Variants in STK33 observed in about 807,000 individuals in gnomAD.
The protein encoded by STK33 is serine/threonine-protein kinase 33.
A neutral mutation model predicts 58.0 loss-of-function variants in STK33; 52 were observed. The observed-to-expected ratio is 0.90, with a 90% confidence interval of 0.72 to 1.13. STK33 has a LOEUF of 1.13. Among genes scored for constraint, STK33 ranks in the 50% most tolerant of loss-of-function variants. The pLI, the probability that STK33 is intolerant of heterozygous loss-of-function variation, is 0.00. For synonymous variants in STK33, 215 were observed against 200.1 expected, an observed-to-expected ratio of 1.07 and a Z score of -0.63; for missense variants, 630 against 604.2, an observed-to-expected ratio of 1.04 and a Z score of -0.45.
At chr11:8,413,103 T>TTCC (rs1940552380) in intron 15 of STK33, among the ~76,000 whole-genome samples, 1 of 152,246 alleles carries the variant, frequency 6.6e-6, no homozygotes, top group Admixed American at 6.5e-5. Flanking sequence ...AAATTTGGCA[T>TTCC]GCCATCTGTT....
chr11:8,424,125 C>T (rs1942355697), intron 14 of STK33, among the ~76,000 whole-genome samples: 1 of 150,924 alleles, frequency 6.6e-6, no homozygotes. Context: ...TCTCCTAATG[C>T]TATCCCTCCC....
chr11:8,448,705 T>C (rs1945849154), intron 11 of STK33, among the ~76,000 whole-genome samples: 1 of 152,060 alleles, frequency 6.6e-6, no homozygotes, highest in East Asian at 1.9e-4. Flanking sequence ...GGCAATACCA[T>C]TCAGGACATA....
intron 14 of STK33, among the ~76,000 whole-genome samples, chr11:8,418,551 T>C (rs1420382628): frequency 6.6e-6 from 1 of 152,182 alleles, no homozygotes; most frequent in Non-Finnish European, 1.5e-5. Flanking sequence ...TTAACATTCA[T>C]GTGCATATGT....
At chr11:8,567,561 T>C (rs929568875) in intron 1 of STK33, among the ~76,000 whole-genome samples, 1 of 152,318 alleles carries the variant, frequency 6.6e-6, no homozygotes, top group African/African-American at 2.4e-5. Flanking sequence ...AATACAGCTA[T>C]TCCTCCCATT....
At chr11:8,469,954 T>C (rs1006663975) in intron 6 of STK33, among the ~76,000 whole-genome samples, 49 of 152,374 alleles carry the variant, frequency 3.2e-4, no homozygotes, top group African/African-American at 1.2e-3. Context: ...TTTGTTGTTT[T>C]ATTTAATGAG....
intron 1 of STK33, among the ~76,000 whole-genome samples, chr11:8,559,610 T>C (rs1956988900): frequency 6.6e-6 from 1 of 152,204 alleles, no homozygotes; most frequent in Non-Finnish European, 1.5e-5. Flanking sequence ...TACCCCATAA[T>C]TTTATTCCCA....
chr11:8,526,307 G>A (rs963961427), intron 1 of STK33, among the ~76,000 whole-genome samples: 15 of 151,748 alleles, frequency 9.9e-5, no homozygotes, highest in South Asian at 6.2e-4. Context: ...CAGGAGAATC[G>A]CTTGAACCCA....
Position 8,434,993 on chromosome 11 carries a change from G to A in STK33, c.1146+501C>T, listed in dbSNP as rs141902123. 2.9e-3 allele frequency among the ~76,000 whole-genome samples: 443 copies of A among 152,300 alleles called. 2 individuals are homozygous for A. Among genetic ancestry groups the A allele is most frequent in the Middle Eastern group, 0.017 (5 of 294 alleles). ...TTCGGGTGCAGGGATACGAAGATCA[G>A]TAAGACACAAGGTCTGTGCTTGAAG... On this transcript the variant is annotated intron_variant, in intron 14 of 15. Coordinates refer to ENST00000687296, the MANE Select transcript of STK33 (RefSeq NM_001352389.2).
intron 1 of STK33, among the ~76,000 whole-genome samples, chr11:8,494,187 A>G (rs1482543280): frequency 6.6e-6 from 1 of 152,236 alleles, no homozygotes; most frequent in Non-Finnish European, 1.5e-5. Context: ...ATGATTGTAT[A>G]TTTAGAAAAC....
chr11:8,359,518 C>T, the STK33 span, among the ~76,000 whole-genome samples: 1 of 152,216 alleles, frequency 6.6e-6, no homozygotes, highest in Non-Finnish European at 1.5e-5. Context: ...GCCCAGACCC[C>T]ATGTCTTAAC....
chr11:8,524,067 G>A (rs1953810107), intron 1 of STK33, among the ~76,000 whole-genome samples: 1 of 152,126 alleles, frequency 6.6e-6, no homozygotes, highest in African/African-American at 2.4e-5. Flanking sequence ...AGGGTTAAAT[G>A]GATTAAGGGC....
intron 12 of STK33, among the ~76,000 whole-genome samples, chr11:8,437,100 T>C (rs1304167396): frequency 6.6e-6 from 1 of 152,166 alleles, no homozygotes; most frequent in Non-Finnish European, 1.5e-5. Flanking sequence ...GGTCTGAATG[T>C]GGAAAAATCA....
chr11:8,506,447 GAAATCT>G (rs759258319), intron 1 of STK33, among the ~76,000 whole-genome samples: 54 of 152,272 alleles, frequency 3.5e-4, no homozygotes, highest in Non-Finnish European at 5.7e-4. Context: ...CTGTAAGTTA[GAAATCT>G]AACAGCCTCC....
Position 8,581,441 on chromosome 11 carries a change from G to T in STK33, c.-466+12642C>A, listed in dbSNP as rs772965083. Among the ~76,000 whole-genome samples, 3 of 152,246 alleles carry T rather than the reference G, an allele frequency of 2.0e-5. No homozygotes were observed. In the East Asian group the frequency reaches 5.8e-4, roughly 29 times the overall value. On this transcript the variant is annotated intron_variant, in intron 1 of 15. Transcript: ENST00000687296. The stretch of plus-strand genomic sequence containing the variant: ...CAGGAGGATCACTTGAGTCTGGAAG[G>T]TCGAGGCTAAGCCTGAGTGAGAGAG...
intron 1 of STK33, among the ~76,000 whole-genome samples, chr11:8,508,796 T>C (rs1018404432): frequency 6.6e-6 from 1 of 152,158 alleles, no homozygotes; most frequent in African/African-American, 2.4e-5. Context: ...TTGAAATGAA[T>C]AACCATCAAG....
intron 1 of STK33, among the ~76,000 whole-genome samples, chr11:8,528,533 T>C (rs563574448): frequency 3.3e-5 from 5 of 152,328 alleles, no homozygotes; most frequent in South Asian, 2.1e-4. Context: ...GGCCCAAATA[T>C]ATTAATTTTG....
At chr11:8,348,537 T>TA in the STK33 span, among the ~76,000 whole-genome samples, 1 of 152,124 alleles carries the variant, frequency 6.6e-6, no homozygotes, top group African/African-American at 2.4e-5. Context: ...CCTCCCATGA[T>TA]ACGTGGGGAT....
chr11:8,546,121 G>A (rs1325031775), intron 1 of STK33, among the ~76,000 whole-genome samples: 2 of 152,128 alleles, frequency 1.3e-5, no homozygotes, highest in African/African-American at 2.4e-5. Flanking sequence ...CGCTTACCAC[G>A]AATGCAGCTT....
chr11:8,370,032 G>A, the STK33 span, among the ~76,000 whole-genome samples: 3 of 152,206 alleles, frequency 2.0e-5, no homozygotes, highest in Admixed American at 6.5e-5. Flanking sequence ...CAACAGCCCC[G>A]TTCTGGTGCT....
Sources: gnomAD v4.1 joint callset for allele counts (sites outside exome capture counted in the v4.1 genomes callset) on GRCh38, gnomAD v4.1.1 for gene constraint, MANE v1.5 for transcripts, NCBI Gene and HGNC (gene_info 2026-07-23, HGNC 2026-07-21) for gene names.